The following RELN variants were observed in gnomAD, a reference collection of about 807,000 sequenced individuals.
RELN encodes the protein reelin.
Under a neutral mutation model 427.6 loss-of-function variants are expected in RELN, and 108 were observed. The observed-to-expected ratio is 0.25, with a 90% CI of 0.22 to 0.30. RELN has a LOEUF of 0.30. RELN is among the 10% of genes least tolerant of loss of function. The probability of loss-of-function intolerance (pLI) is 1.00; values close to 1 mark genes in which losing one functional copy is unlikely to be tolerated. For synonymous variants in RELN, 1,524 were observed against 1,513.4 expected (o/e 1.01, Z -0.16); for missense variants, 3,715 against 4,302.8 (o/e 0.86, Z 3.82).
intron 3 of RELN, among the ~76,000 whole-genome samples, chr7:103,802,774 C>T (rs1007723014): frequency 6.6e-6 from 1 of 151,872 alleles, no homozygotes; most frequent in Admixed American, 6.6e-5. Context: ...CTGAAATATC[C>T]AAGAAGGGAT....
intron 10 of RELN, among the ~76,000 whole-genome samples, chr7:103,693,700 A>G (rs1448087329): frequency 1.3e-5 from 2 of 152,126 alleles, no homozygotes; most frequent in African/African-American, 4.8e-5. Context: ...CAAAGGTCTT[A>G]AGCATGGAGG....
intron 19 of RELN, among the ~76,000 whole-genome samples, chr7:103,631,953 AATT>A (rs1310494771): frequency 4.6e-5 from 7 of 152,180 alleles, no homozygotes; most frequent in African/African-American, 9.6e-5. Flanking sequence ...CATGAAAATA[AATT>A]ATTATTTTTT....
intron 1 of RELN, among the ~76,000 whole-genome samples, chr7:103,931,459 A>G: frequency 6.6e-6 from 1 of 152,186 alleles, no homozygotes; most frequent in South Asian, 2.1e-4. Flanking sequence ...TACACATCTG[A>G]CATCCCTTGG....
chr7:103,683,704 C>A (rs904405650), intron 10 of RELN, among the ~76,000 whole-genome samples: 1 of 152,072 alleles, frequency 6.6e-6, no homozygotes, highest in African/African-American at 2.4e-5. Flanking sequence ...TCATAATAAG[C>A]GACTTTTGGG....
At chr7:103,911,687 A>G (rs2116655391) in intron 2 of RELN, among the ~76,000 whole-genome samples, 1 of 147,182 alleles carries the variant, frequency 6.8e-6, no homozygotes, top group African/African-American at 2.5e-5. Context: ...AAAAATGATG[A>G]GTTCATGTCC....
At chr7:103,510,130 C>T (rs1345928408) in intron 51 of RELN, among the ~76,000 whole-genome samples, 1 of 152,158 alleles carries the variant, frequency 6.6e-6, no homozygotes, top group African/African-American at 2.4e-5. Flanking sequence ...CCAGCAATCC[C>T]ATTACTGGGT....
chr7:103,622,429 A>G (rs1031696478), intron 20 of RELN, among the ~76,000 whole-genome samples: 1 of 152,150 alleles, frequency 6.6e-6, no homozygotes, highest in Non-Finnish European at 1.5e-5. Flanking sequence ...TGCTCCTTCT[A>G]TTATCCTCTA....
chr7:103,834,492 T>C (rs189360144), intron 2 of RELN, among the ~76,000 whole-genome samples: 15 of 152,318 alleles, frequency 9.8e-5, no homozygotes, highest in South Asian at 4.1e-4. Context: ...GGCCTAGCTG[T>C]GAACAGGTCA....
At position 103,661,233 on chromosome 7, in the gene RELN, C is replaced by A. The variant is rs1321299809; in HGVS notation, c.1441+143G>T. ...TGGCCTGAAACACGGGGGAGTACCA[C>A]AGGCTTCTGCTCTGTCTGGAGAGCT... On this transcript the variant is annotated intron_variant, in intron 12 of 64. Coordinates refer to ENST00000428762, the MANE Select transcript of RELN (RefSeq NM_005045.4). 6 of 906,970 alleles carry A rather than the reference C, an allele frequency of 6.6e-6. No individual in the cohort carries two copies. The East Asian group carries it at 1.3e-4, about 20-fold the overall frequency. The allele number at this position is 906,970 out of a possible 1,614,324, so 56.2% of individuals were successfully genotyped here. A position where few individuals can be genotyped will look rare whatever the true frequency, so the allele number is the denominator to read the frequency against.
At chr7:103,581,542 TG>T (rs1831130370) in intron 28 of RELN, among the ~76,000 whole-genome samples, 1 of 152,014 alleles carries the variant, frequency 6.6e-6, no homozygotes, top group Non-Finnish European at 1.5e-5. Flanking sequence ...ATTTTTCAAG[TG>T]GAAGAGATGT....
At chr7:103,889,279 C>T (rs1239429367) in intron 2 of RELN, among the ~76,000 whole-genome samples, 1 of 152,180 alleles carries the variant, frequency 6.6e-6, no homozygotes, top group Non-Finnish European at 1.5e-5. Flanking sequence ...ATCAGCTTTG[C>T]TGGCAGCTCC....
At chr7:103,690,762 A>AT (rs1208230708) in intron 10 of RELN, among the ~76,000 whole-genome samples, 1 of 152,116 alleles carries the variant, frequency 6.6e-6, no homozygotes, top group Non-Finnish European at 1.5e-5. Flanking sequence ...TTGTAGCACT[A>AT]TATTTATTGG....
At chr7:103,729,998 A>C (rs1790312735) in intron 6 of RELN, among the ~76,000 whole-genome samples, 1 of 152,106 alleles carries the variant, frequency 6.6e-6, no homozygotes, top group Non-Finnish European at 1.5e-5. Flanking sequence ...GATTGTGATA[A>C]AAGTACAGTG....
chr7:103,819,349 C>G (rs1282745777), intron 3 of RELN, among the ~76,000 whole-genome samples: 1 of 151,780 alleles, frequency 6.6e-6, no homozygotes, highest in Non-Finnish European at 1.5e-5. Flanking sequence ...AAAATTAACT[C>G]AATGCTTTTA....
At chr7:103,667,744 GT>G (rs1380590416) in intron 11 of RELN, among the ~76,000 whole-genome samples, 1 of 152,124 alleles carries the variant, frequency 6.6e-6, no homozygotes, top group Non-Finnish European at 1.5e-5. Flanking sequence ...AATCATTCTA[GT>G]TTTTGAAAAC....
intron 2 of RELN, among the ~76,000 whole-genome samples, chr7:103,878,290 C>T (rs1794530527): frequency 6.6e-6 from 1 of 152,168 alleles, no homozygotes; most frequent in African/African-American, 2.4e-5. Flanking sequence ...TTTGTTCTTA[C>T]CCTGACATTT....
intron 10 of RELN, among the ~76,000 whole-genome samples, chr7:103,683,125 C>T (rs1034964629): frequency 6.6e-6 from 1 of 152,024 alleles, no homozygotes; most frequent in Non-Finnish European, 1.5e-5. Flanking sequence ...AAATGCTATA[C>T]ATGAAACATC....
At chr7:103,699,368 T>C (rs1275944674) in intron 9 of RELN, among the ~76,000 whole-genome samples, 2 of 152,174 alleles carry the variant, frequency 1.3e-5, no homozygotes, top group African/African-American at 4.8e-5. Flanking sequence ...ATGATGACTA[T>C]GCTTTTAGCT....
At chr7:103,551,498 G>A (rs1420385290) in intron 40 of RELN, among the ~76,000 whole-genome samples, 1 of 151,786 alleles carries the variant, frequency 6.6e-6, no homozygotes, top group East Asian at 1.9e-4. Flanking sequence ...AACCTCAAAG[G>A]GCCTCATGAA....
Sources: gnomAD v4.1 joint callset for allele counts (sites outside exome capture counted in the v4.1 genomes callset) on GRCh38, gnomAD v4.1.1 for gene constraint, MANE v1.5 for transcripts, NCBI Gene and HGNC (gene_info 2026-07-23, HGNC 2026-07-21) for gene names.